Variants in F13A1 observed in about 807,000 individuals in gnomAD.
F13A1 encodes FSF, A subunit.
In F13A1, 47 loss-of-function variants were observed where a neutral mutation model predicts 80.1. That is an observed-to-expected ratio of 0.59 (90% CI 0.46 to 0.75). The LOEUF (loss-of-function observed/expected upper bound fraction) is 0.75. Ranked by LOEUF, F13A1 falls within the 30% of genes least tolerant of loss-of-function variation. The pLI is 0.00. For missense variants in F13A1, 817 were observed against 930.4 expected, an observed-to-expected ratio of 0.88 and a Z score of 1.59; for synonymous variants, 349 against 344.9, an observed-to-expected ratio of 1.01 and a Z score of -0.13.
intron 10 of F13A1, among the ~76,000 whole-genome samples, chr6:6,195,330 G>A (rs571951869): frequency 1.6e-4 from 25 of 152,322 alleles, no homozygotes; most frequent in African/African-American, 5.3e-4. Flanking sequence ...GATGGTGTGG[G>A]ATGGCAGGAC....
chr6:6,245,448 T>G (rs1007384589), intron 6 of F13A1, among the ~76,000 whole-genome samples: 4 of 152,198 alleles, frequency 2.6e-5, no homozygotes, highest in Admixed American at 6.5e-5. Flanking sequence ...GGTCTTGAAC[T>G]CCTGACCTCA....
intron 8 of F13A1, among the ~76,000 whole-genome samples, chr6:6,211,380 A>G (rs889892695): frequency 1.3e-5 from 2 of 152,222 alleles, no homozygotes; most frequent in Non-Finnish European, 2.9e-5. Flanking sequence ...ACTTGGCCAG[A>G]AATATGGTTA....
At chr6:6,173,027 C>A (rs995134906) in intron 12 of F13A1, among the ~76,000 whole-genome samples, 1 of 152,128 alleles carries the variant, frequency 6.6e-6, no homozygotes, top group African/African-American at 2.4e-5. Context: ...ACACTTTTCT[C>A]TTCAGTGCCC....
At position 6,203,203 on chromosome 6, in the gene F13A1, C is replaced by T. The variant is rs115813611; in HGVS notation, c.1113-5877G>A. Among the ~76,000 whole-genome samples, 271 of 152,312 alleles carry T rather than the reference C, an allele frequency of 1.8e-3. 1 individual carries two copies. Among genetic ancestry groups the T allele is most frequent in the African/African-American group, 6.2e-3 (258 of 41,564 alleles). On this transcript the variant is annotated intron_variant, in intron 8 of 14. Transcript: ENST00000264870. ...CCATGGCATATTAGTGTTTCAAAAT[C>T]ACATGCAGAGCAGAATTTTAAATGA...
chr6:6,292,430 C>T (rs1490092312), intron 3 of F13A1, among the ~76,000 whole-genome samples: 1 of 152,108 alleles, frequency 6.6e-6, no homozygotes, highest in Non-Finnish European at 1.5e-5. Context: ...TTTCTCAAAC[C>T]CTGTCACTCC....
chr6:6,161,277 G>A (rs1760568005), intron 13 of F13A1, among the ~76,000 whole-genome samples: 1 of 152,060 alleles, frequency 6.6e-6, no homozygotes, highest in African/African-American at 2.4e-5. Context: ...CAGGCCACTG[G>A]CCCACTTCAG....
At chr6:6,155,771 C>G (rs4960169) in intron 13 of F13A1, among the ~76,000 whole-genome samples, 2 of 152,018 alleles carry the variant, frequency 1.3e-5, no homozygotes, top group African/African-American at 4.8e-5. Flanking sequence ...ATGCACCATG[C>G]TATGGTACCT....
chr6:6,174,946 A>G, intron 11 of F13A1, 79 bp from the exon 12 acceptor site: 2 of 1,536,706 alleles, frequency 1.3e-6, no homozygotes, highest in Non-Finnish European at 1.8e-6. Flanking sequence ...TGCACCGTGT[A>G]CTGCACTTGT....
At chr6:6,174,280 C>T (rs972559093) in intron 12 of F13A1, among the ~76,000 whole-genome samples, 14 of 152,112 alleles carry the variant, frequency 9.2e-5, no homozygotes, top group Non-Finnish European at 1.8e-4. Context: ...ATCCCAGCTA[C>T]TCGGGAGGCT....
At chr6:6,213,035 G>C (rs1339845156) in intron 8 of F13A1, among the ~76,000 whole-genome samples, 6 of 152,168 alleles carry the variant, frequency 3.9e-5, no homozygotes, top group Non-Finnish European at 7.4e-5. Context: ...TATGTGAAAA[G>C]ACCAAATCTA....
At chr6:6,155,183 C>A (rs1760451707) in intron 13 of F13A1, among the ~76,000 whole-genome samples, 1 of 152,208 alleles carries the variant, frequency 6.6e-6, no homozygotes, top group South Asian at 2.1e-4. Flanking sequence ...TACATGAAGC[C>A]TCCTACGCTG....
At chr6:6,234,681 G>A (rs1757393191) in intron 6 of F13A1, among the ~76,000 whole-genome samples, 2 of 151,988 alleles carry the variant, frequency 1.3e-5, no homozygotes, top group African/African-American at 4.8e-5. Context: ...TAACATTAAA[G>A]TATAATTTAA....
At chr6:6,165,127 C>T (rs1038842387) in intron 13 of F13A1, among the ~76,000 whole-genome samples, 1 of 152,216 alleles carries the variant, frequency 6.6e-6, no homozygotes, top group Non-Finnish European at 1.5e-5. Context: ...AAGCCAGAAT[C>T]TCCATCTCTC....
chr6:6,198,939 G>C (rs559227981), intron 8 of F13A1, among the ~76,000 whole-genome samples: 85 of 152,250 alleles, frequency 5.6e-4, no homozygotes, highest in Middle Eastern at 3.4e-3. Flanking sequence ...AAGATAAATG[G>C]GAATTTAGGA....
At chr6:6,174,134 A>C (rs560684528) in intron 12 of F13A1, among the ~76,000 whole-genome samples, 3 of 151,934 alleles carry the variant, frequency 2.0e-5, no homozygotes, top group Admixed American at 1.3e-4. Context: ...TGACGCCTAT[A>C]ATTCCAGCAC....
At chr6:6,298,911 G>A (rs1387420005) in intron 3 of F13A1, among the ~76,000 whole-genome samples, 6 of 148,310 alleles carry the variant, frequency 4.0e-5, no homozygotes, top group South Asian at 2.1e-4. Flanking sequence ...CATGTTTAGC[G>A]CTTCCTTCAG....
rs927044683 is a variant in F13A1 at position 6,190,525 on chromosome 6, T to C, written c.1305+5272A>G. On this transcript the variant is annotated intron_variant, in intron 10 of 14. Transcript: ENST00000264870. ...TCCCCTGCTGGGGGGTGCCTCCCAG[T>C]TAGGCTGCTCGGGGGTCAGGGGTCA... Among the ~76,000 whole-genome samples the C allele has an allele frequency of 3.3e-5, 5 of 150,882 alleles. No individual in the cohort carries two copies. The Admixed American group carries it at 3.3e-4, about 10-fold the overall frequency.
At chr6:6,312,269 C>A (rs2249035) in intron 2 of F13A1, among the ~76,000 whole-genome samples, 98,720 of 151,252 alleles carry the variant, frequency 0.65, 32,802 homozygotes, top group East Asian at 0.85. Flanking sequence ...GTTGCAATAT[C>A]ACTTCAACAA....
At chr6:6,247,058 T>C (rs983442411) in intron 6 of F13A1, among the ~76,000 whole-genome samples, 1 of 152,236 alleles carries the variant, frequency 6.6e-6, no homozygotes, top group Non-Finnish European at 1.5e-5. Context: ...TTGGAATTCA[T>C]TGGCTTCCCA....
Sources: allele counts gnomAD v4.1 joint callset (sites outside exome capture counted in the v4.1 genomes callset), GRCh38; gene constraint gnomAD v4.1.1; transcripts MANE v1.5; gene names NCBI Gene and HGNC (gene_info 2026-07-23, HGNC 2026-07-21).